Variants in RNF169 observed in about 807,000 individuals in gnomAD.
The protein encoded by RNF169 is ring finger protein 169, also known as E3 ubiquitin-protein ligase RNF169.
Under a neutral mutation model 53.9 loss-of-function variants are expected in RNF169, and 24 were observed. The ratio of observed to expected loss-of-function variants is 0.45; its 90% CI spans 0.32 to 0.63. RNF169 has a LOEUF of 0.63. RNF169 is among the 20% of genes least tolerant of loss of function. The pLI is 0.04. For synonymous variants in RNF169, 396 were observed against 363.5 expected (o/e 1.09, Z -1.02); for missense variants, 883 against 906.2 (o/e 0.97, Z 0.33).
At chr11:74,777,779 C>A (rs575427287) in intron 1 of RNF169, among the ~76,000 whole-genome samples, 94 of 152,082 alleles carry the variant, frequency 6.2e-4, no homozygotes, top group Non-Finnish European at 1.1e-3. Context: ...CAAATATGCA[C>A]CACCATGCTT....
At position 74,836,375 on chromosome 11, in the gene RNF169, A is replaced by G; in HGVS notation, c.1772A>G (p.Gln591Arg). 1 of 1,614,202 alleles carries G rather than the reference A, an allele frequency of 6.2e-7. No homozygotes were observed. Among genetic ancestry groups the G allele is most frequent in the East Asian group, 2.2e-5 (1 of 44,882 alleles). Residue 591 changes from glutamine (Q) to arginine (R), a missense_variant, in exon 6 of 6, where the codon CAA (glutamine) becomes CGA (arginine). Coordinates refer to ENST00000299563, the MANE Select transcript of RNF169 (RefSeq NM_001098638.2). Reference sequence around the variant, plus strand: ...TTGGGTGGAGTCCTCAAAACAAAGCAACAATTGAAGACATTAAATCATTTT... The same window carrying G: ...TTGGGTGGAGTCCTCAAAACAAAGCGACAATTGAAGACATTAAATCATTTT... ...SVLGGVLKTK[Q>R]QLKTLNHFDL...
intron 3 of RNF169, among the ~76,000 whole-genome samples, chr11:74,811,300 G>GGT (rs1348544047): frequency 1.3e-5 from 2 of 152,038 alleles, no homozygotes; most frequent in Non-Finnish European, 1.5e-5. Flanking sequence ...GGAGTGCAGG[G>GGT]GTGTGATCAT....
intron 2 of RNF169, among the ~76,000 whole-genome samples, chr11:74,798,492 C>T (rs990221661): frequency 3.3e-5 from 5 of 152,216 alleles, no homozygotes; most frequent in Non-Finnish European, 7.3e-5. Flanking sequence ...AAAACCCTGT[C>T]TCCTGATAAG....
At chr11:74,795,904 A>C (rs2035642702) in intron 2 of RNF169, among the ~76,000 whole-genome samples, 1 of 152,208 alleles carries the variant, frequency 6.6e-6, no homozygotes, top group Non-Finnish European at 1.5e-5. Flanking sequence ...GGATGTTAAC[A>C]AATTGCCTTT....
chr11:74,762,611 T>C (rs764996481), intron 1 of RNF169, among the ~76,000 whole-genome samples: 5 of 152,216 alleles, frequency 3.3e-5, no homozygotes, highest in Non-Finnish European at 5.9e-5. Flanking sequence ...AGACCGGAGC[T>C]GTTCCTATTC....
At chr11:74,760,286 A>G (rs1277718380) in intron 1 of RNF169, among the ~76,000 whole-genome samples, 1 of 152,102 alleles carries the variant, frequency 6.6e-6, no homozygotes, top group East Asian at 1.9e-4. Context: ...GATTTTTTGA[A>G]GGGTTTTTTA....
At chr11:74,792,178 A>G (rs2035589044) in intron 2 of RNF169, among the ~76,000 whole-genome samples, 1 of 152,204 alleles carries the variant, frequency 6.6e-6, no homozygotes, top group Non-Finnish European at 1.5e-5. Context: ...AACTACTTAC[A>G]AAGTTTTTTT....
intron 4 of RNF169, among the ~76,000 whole-genome samples, chr11:74,832,824 C>T (rs894095380): frequency 6.6e-6 from 1 of 152,164 alleles, no homozygotes; most frequent in African/African-American, 2.4e-5. Flanking sequence ...TTTTAATCTG[C>T]CATACAGTAT....
At chr11:74,760,519 C>T (rs2035064468) in intron 1 of RNF169, among the ~76,000 whole-genome samples, 1 of 151,968 alleles carries the variant, frequency 6.6e-6, no homozygotes, top group African/African-American at 2.4e-5. Flanking sequence ...TGTCTTTGTT[C>T]TCGTTGGTTT....
intron 4 of RNF169, among the ~76,000 whole-genome samples, chr11:74,825,879 TAAAGA>T (rs1360834692): frequency 3.9e-5 from 6 of 152,260 alleles, no homozygotes; most frequent in African/African-American, 1.4e-4. Context: ...AGGTAATTTA[TAAAGA>T]AAAGAAGTTT....
At chr11:74,794,667 G>C (rs1260792149) in intron 2 of RNF169, among the ~76,000 whole-genome samples, 1 of 152,168 alleles carries the variant, frequency 6.6e-6, no homozygotes, top group African/African-American at 2.4e-5. Flanking sequence ...CCAATATTGA[G>C]ACCTTCAGGA....
chr11:74,826,239 T>C (rs921185857), intron 4 of RNF169, among the ~76,000 whole-genome samples: 4 of 152,060 alleles, frequency 2.6e-5, no homozygotes, highest in South Asian at 2.1e-4. Flanking sequence ...GACATGAGAA[T>C]CGCTTGAACC....
intron 2 of RNF169, among the ~76,000 whole-genome samples, chr11:74,808,959 T>G (rs1481809677): frequency 6.6e-6 from 1 of 152,188 alleles, no homozygotes; most frequent in Non-Finnish European, 1.5e-5. Flanking sequence ...CATAGCATTG[T>G]GTTTGGTGTT....
chr11:74,810,451 A>G (rs2035860373), intron 3 of RNF169, 121 bp downstream of exon 3: 2 of 894,674 alleles, frequency 2.2e-6, no homozygotes, highest in Admixed American at 2.2e-5. Flanking sequence ...GTGACTGTGC[A>G]GCTTAAGAGT....
intron 4 of RNF169, among the ~76,000 whole-genome samples, chr11:74,828,580 A>G (rs2036132091): frequency 6.6e-6 from 1 of 152,222 alleles, no homozygotes; most frequent in Admixed American, 6.5e-5. Flanking sequence ...ACATCACACT[A>G]CCTGACTTCA....
chr11:74,824,668 C>A (rs1438847973), intron 4 of RNF169, among the ~76,000 whole-genome samples: 7 of 152,064 alleles, frequency 4.6e-5, no homozygotes, highest in Admixed American at 2.6e-4. Flanking sequence ...GTGAGAATTA[C>A]CAAAACGTGA....
At position 74,817,588 on chromosome 11, in the gene RNF169, C is replaced by T. The variant is rs1253934398; in HGVS notation, c.724-8C>T. ...TGGACAGTGTTGTCTCCCTTGTCTCCCTGCCAGTGTCCTGCACGTCTCTCA... is the reference window on the plus strand; with the variant it reads ...TGGACAGTGTTGTCTCCCTTGTCTCTCTGCCAGTGTCCTGCACGTCTCTCA... On this transcript the variant is annotated splice_polypyrimidine_tract_variant and splice_region_variant and intron_variant, in intron 3 of 5. Coordinates refer to ENST00000299563, the MANE Select transcript of RNF169 (RefSeq NM_001098638.2). 5 of 1,580,718 alleles carry T rather than the reference C, an allele frequency of 3.2e-6. No homozygotes were observed. The highest frequency in any genetic ancestry group is 4.3e-6 in the Non-Finnish European group (5 of 1,149,694).
At chr11:74,816,535 G>A (rs969310897) in intron 3 of RNF169, among the ~76,000 whole-genome samples, 3 of 152,088 alleles carry the variant, frequency 2.0e-5, no homozygotes, top group African/African-American at 7.2e-5. Flanking sequence ...GTAAAACAAC[G>A]ATAAATGAAT....
rs1266389035 is a variant in RNF169, at chr11:74,837,781, ATCTAGCTG to A, written c.*1052_*1059del. ...AAACTCCATACTATGGAAACAAGGTATCTAGCTGGATGCAGCTGGTAAATTCAGTCCCA... is the reference window on the plus strand; with the variant it reads ...AAACTCCATACTATGGAAACAAGGTAGATGCAGCTGGTAAATTCAGTCCCA... On this transcript the variant is annotated 3_prime_UTR_variant, in exon 6 of 6. Coordinates refer to ENST00000299563, the MANE Select transcript of RNF169 (RefSeq NM_001098638.2). 6.6e-6 allele frequency: 1 copy of A among 152,240 alleles called. No homozygotes were observed. The highest frequency in any genetic ancestry group is 1.5e-5 in the Non-Finnish European group (1 of 68,044). 9.4% of individuals were successfully genotyped at this position (152,240 alleles called of 1,614,324 possible).
Sources: gnomAD v4.1 joint callset for allele counts (sites outside exome capture counted in the v4.1 genomes callset) on GRCh38, gnomAD v4.1.1 for gene constraint, MANE v1.5 for transcripts, NCBI Gene and HGNC (gene_info 2026-07-23, HGNC 2026-07-21) for gene names.